MDGA2: variants seen among roughly 807,000 people sequenced by gnomAD.
MDGA2 encodes MAM domain-containing glycosylphosphatidylinositol anchor protein 2.
MDGA2 carries 40 observed loss-of-function variants against 117.8 expected under a neutral mutation model. The observed-to-expected ratio is 0.34, with a 90% CI of 0.26 to 0.44. The LOEUF (loss-of-function observed/expected upper bound fraction) is 0.44, where lower values mean the gene tolerates loss of function less well. MDGA2 is among the 20% of genes least tolerant of loss of function. The pLI is 1.00. For synonymous variants in MDGA2, 452 were observed against 439.0 expected, an observed-to-expected ratio of 1.03 and a Z score of -0.37; for missense variants, 1,123 against 1,250.6, an observed-to-expected ratio of 0.90 and a Z score of 1.54.
intron 10 of MDGA2, among the ~76,000 whole-genome samples, chr14:46,892,614 G>A (rs1882925675): frequency 1.3e-5 from 2 of 151,912 alleles, no homozygotes; most frequent in Admixed American, 1.3e-4. Context: ...ATCAGATAAA[G>A]GGGTAATGTC....
intron 6 of MDGA2, among the ~76,000 whole-genome samples, chr14:47,086,324 G>A (rs1387403693): frequency 6.6e-6 from 1 of 151,808 alleles, no homozygotes; most frequent in Non-Finnish European, 1.5e-5. Context: ...TCTAGAAAAG[G>A]AACAATTAAA....
chr14:47,402,716 T>C (rs1056387828), intron 1 of MDGA2, among the ~76,000 whole-genome samples: 1 of 152,180 alleles, frequency 6.6e-6, no homozygotes, highest in Non-Finnish European at 1.5e-5. Context: ...TGCATGTATG[T>C]TTCATCTTTG....
At chr14:47,338,663 A>AGGTT (rs1450180729) in intron 1 of MDGA2, among the ~76,000 whole-genome samples, 1 of 152,082 alleles carries the variant, frequency 6.6e-6, no homozygotes, top group Non-Finnish European at 1.5e-5. Flanking sequence ...ATGTAGTGGT[A>AGGTT]GGTTCATGGA....
intron 1 of MDGA2, among the ~76,000 whole-genome samples, chr14:47,324,209 C>T (rs1011104139): frequency 1.6e-4 from 25 of 151,918 alleles, no homozygotes; most frequent in Non-Finnish European, 1.9e-4. Context: ...CACACCATTG[C>T]GCTCCAGCCT....
chr14:47,227,657 TA>T lies in MDGA2; in HGVS notation c.421-9463del, dbSNP rs34232817. Among the ~76,000 whole-genome samples the T allele has an allele frequency of 2.8e-4, 41 of 148,768 alleles. 1 individual carries two copies. Among genetic ancestry groups the T allele is most frequent in the Middle Eastern group, 3.5e-3 (1 of 286 alleles). ...ACTGAGCCTGAGACACAGTAATGAT[TA>T]AAAAAAAAAATCATTGTTGCTTGAA... On this transcript the variant is annotated intron_variant, in intron 2 of 16. Transcript: ENST00000399232.
chr14:47,018,539 T>G (rs1888164086), intron 8 of MDGA2, among the ~76,000 whole-genome samples: 1 of 151,664 alleles, frequency 6.6e-6, no homozygotes, highest in Non-Finnish European at 1.5e-5. Flanking sequence ...ATAAAAAGAT[T>G]ATGTCTAATA....
chr14:47,636,831 G>C (rs7148257), intron 1 of MDGA2, among the ~76,000 whole-genome samples: 40,750 of 137,406 alleles, frequency 0.3, 6,529 homozygotes, highest in South Asian at 0.47. Context: ...AATTAGCTGG[G>C]CATGGTGGAG....
intron 8 of MDGA2, among the ~76,000 whole-genome samples, chr14:46,983,838 ACTG>A (rs1886770493): frequency 6.6e-6 from 1 of 152,020 alleles, no homozygotes; most frequent in South Asian, 2.1e-4. Context: ...CATCTGACAA[ACTG>A]CTAACCTCCT....
intron 6 of MDGA2, among the ~76,000 whole-genome samples, chr14:47,074,424 G>A (rs535439111): frequency 6.6e-5 from 10 of 151,890 alleles, no homozygotes; most frequent in Admixed American, 3.9e-4. Context: ...TCAGCCTCCC[G>A]AGTAGCTGGG....
chr14:47,244,407 T>C (rs1887171126), intron 2 of MDGA2, among the ~76,000 whole-genome samples: 1 of 151,838 alleles, frequency 6.6e-6, no homozygotes, highest in Admixed American at 6.6e-5. Flanking sequence ...ATATCTGTCT[T>C]TTCTACTAGA....
intron 10 of MDGA2, among the ~76,000 whole-genome samples, chr14:46,918,912 T>C (rs905237857): frequency 3.3e-4 from 50 of 151,692 alleles, no homozygotes; most frequent in Middle Eastern, 3.2e-3. Context: ...CAGGCGCCCG[T>C]CAACATGCCC....
chr14:47,166,609 T>A (rs2139300153), intron 3 of MDGA2, among the ~76,000 whole-genome samples: 1 of 152,258 alleles, frequency 6.6e-6, no homozygotes, highest in Admixed American at 6.5e-5. Flanking sequence ...AGAATAGTCC[T>A]CAAAAGAGAT....
At chr14:46,849,762 T>C (rs1048980663) in intron 15 of MDGA2, among the ~76,000 whole-genome samples, 12 of 151,912 alleles carry the variant, frequency 7.9e-5, no homozygotes, top group African/African-American at 2.9e-4. Context: ...AAGAGTTAAA[T>C]TGTCATATTT....
At position 46,947,271 on chromosome 14, in the gene MDGA2, A is replaced by C. The variant is rs543773310; in HGVS notation, c.2089+10103T>G. ...TAACTCCATTATCTCTCTGCATGTC[A>C]AGTTGCACAAAGTTTAATGTCTATA... On this transcript the variant is annotated intron_variant, in intron 9 of 16. Coordinates refer to ENST00000399232, the MANE Select transcript of MDGA2 (RefSeq NM_001113498.3). Among the ~76,000 whole-genome samples the C allele has an allele frequency of 1.1e-4, 17 of 152,218 alleles. No homozygotes were observed. In the South Asian group the frequency reaches 3.5e-3, roughly 32 times the overall value.
intron 2 of MDGA2, among the ~76,000 whole-genome samples, chr14:47,298,154 A>C (rs928554118): frequency 6.6e-6 from 1 of 152,188 alleles, no homozygotes; most frequent in African/African-American, 2.4e-5. Flanking sequence ...GAAAGCTGGG[A>C]GATTACGGAA....
intron 1 of MDGA2, among the ~76,000 whole-genome samples, chr14:47,554,516 C>T (rs1315023564): frequency 2.0e-5 from 3 of 152,016 alleles, no homozygotes; most frequent in Non-Finnish European, 4.4e-5. Flanking sequence ...GGGAAAATTT[C>T]CAAAGAACAG....
chr14:46,914,633 C>T (rs186278202), intron 10 of MDGA2, among the ~76,000 whole-genome samples: 160 of 152,038 alleles, frequency 1.1e-3, no homozygotes, highest in African/African-American at 3.6e-3. Context: ...TTTTATAATC[C>T]TATTTAATTT....
chr14:47,227,703 T>C (rs1886556373), intron 2 of MDGA2, among the ~76,000 whole-genome samples: 2 of 152,120 alleles, frequency 1.3e-5, no homozygotes, highest in African/African-American at 4.8e-5. Context: ...GGCAATATAA[T>C]TCTGCTGAGA....
intron 1 of MDGA2, among the ~76,000 whole-genome samples, chr14:47,511,190 T>C (rs1045472074): frequency 6.6e-6 from 1 of 152,132 alleles, no homozygotes; most frequent in Non-Finnish European, 1.5e-5. Context: ...CAAACCTTAC[T>C]ATAATGAATT....
Sources: allele counts gnomAD v4.1 joint callset (sites outside exome capture counted in the v4.1 genomes callset), GRCh38; gene constraint gnomAD v4.1.1; transcripts MANE v1.5; gene names NCBI Gene and HGNC (gene_info 2026-07-23, HGNC 2026-07-21).